The following CCDC88A variants were observed in gnomAD, a reference collection of about 807,000 sequenced individuals.
CCDC88A encodes coiled-coil and HOOK domain protein 88A, also known as girdin.
Under a neutral mutation model 234.3 loss-of-function variants are expected in CCDC88A, and 54 were observed. That is an observed-to-expected ratio of 0.23 (90% confidence interval 0.19 to 0.29). The LOEUF is 0.29. Among genes scored for constraint, CCDC88A ranks in the 10% least tolerant of loss-of-function variants. The probability of loss-of-function intolerance (pLI) is 1.00; values close to 1 mark genes in which losing one functional copy is unlikely to be tolerated. For synonymous variants in CCDC88A, 753 were observed against 737.8 expected (o/e 1.02, Z -0.33); for missense variants, 1,832 against 2,123.4 (o/e 0.86, Z 2.70).
chr2:55,344,577 GATT>G, intron 10 of CCDC88A, 63 bp from the exon 11 acceptor site: 10 of 955,526 alleles, frequency 1.0e-5, no homozygotes, highest in Non-Finnish European at 1.5e-5. Flanking sequence ...GGAACATACA[GATT>G]ATCATAAAAC....
chr2:55,355,909 T>G (rs1229033701), intron 7 of CCDC88A, 158 bp from the exon 8 acceptor site: 1 of 555,588 alleles, frequency 1.8e-6, no homozygotes, highest in Non-Finnish European at 3.1e-6. Flanking sequence ...TTCTTAACTT[T>G]CATTCAACAG....
chr2:55,419,099 A>T lies in CCDC88A; in HGVS notation c.-20T>A. Reference sequence around the variant, plus strand: ...CTCCATTTTACAGAGTATGTATTTGAAAAAAGGAACTACCACAAAAATACG... The same window carrying T: ...CTCCATTTTACAGAGTATGTATTTGTAAAAAGGAACTACCACAAAAATACG... On this transcript the variant is annotated 5_prime_UTR_variant, in exon 1 of 33. Coordinates refer to ENST00000436346, the MANE Select transcript of CCDC88A (RefSeq NM_001365480.1). 6.5e-7 allele frequency: 1 copy of T among 1,529,950 alleles called. No homozygotes were observed. The highest frequency in any genetic ancestry group is 1.7e-4 in the Middle Eastern group (1 of 5,924). The allele number at this position is 1,529,950 out of a possible 1,614,324, so 94.8% of individuals were successfully genotyped here.
chr2:55,376,402 C>G (rs1351240733), intron 3 of CCDC88A, among the ~76,000 whole-genome samples: 1 of 152,006 alleles, frequency 6.6e-6, no homozygotes, highest in Non-Finnish European at 1.5e-5. Context: ...AAGCAAATAA[C>G]CATGAAAAAT....
At chr2:55,403,821 A>C (rs531356909) in intron 2 of CCDC88A, 1 of 152,332 alleles carries the variant, frequency 6.6e-6, no homozygotes, top group Non-Finnish European at 1.5e-5. Context: ...AAACAAAAGA[A>C]GATTGTTTAA....
intron 2 of CCDC88A, among the ~76,000 whole-genome samples, chr2:55,396,591 C>T (rs1482623231): frequency 6.6e-6 from 1 of 152,086 alleles, no homozygotes; most frequent in Non-Finnish European, 1.5e-5. Context: ...AAGGTTGCAC[C>T]TGGGTGCGGT....
At chr2:55,304,234 G>A (rs554337071) in intron 25 of CCDC88A, among the ~76,000 whole-genome samples, 1 of 152,130 alleles carries the variant, frequency 6.6e-6, no homozygotes, top group Non-Finnish European at 1.5e-5. Flanking sequence ...GGAGTTCAAG[G>A]CTATAGTGAG....
intron 3 of CCDC88A, among the ~76,000 whole-genome samples, chr2:55,382,072 G>T (rs2104859296): frequency 6.6e-6 from 1 of 152,102 alleles, no homozygotes; most frequent in Admixed American, 6.6e-5. Flanking sequence ...GGCATTAAAA[G>T]GAAAGAATAC....
intron 31 of CCDC88A, 130 bp downstream of exon 31, chr2:55,295,467 C>G (rs1409883399): frequency 6.4e-7 from 1 of 1,573,894 alleles, no homozygotes; most frequent in South Asian, 1.2e-5. Flanking sequence ...CCTTCCTGTT[C>G]TTGAGTTTCT....
intron 29 of CCDC88A, 45 bp from the exon 30 acceptor site, chr2:55,296,568 G>C: frequency 1.3e-6 from 2 of 1,553,866 alleles, no homozygotes; most frequent in Non-Finnish European, 1.8e-6. Context: ...ATAGAATTGA[G>C]ATTAATACTT....
At chr2:55,401,470 A>G (rs77367016) in intron 2 of CCDC88A, among the ~76,000 whole-genome samples, 18,991 of 31,348 alleles carry the variant, frequency 0.61, 7,297 homozygotes, top group Non-Finnish European at 0.74. Context: ...ATATATACAT[A>G]TGTGTGTGTA....
intron 3 of CCDC88A, 122 bp from the exon 4 acceptor site, chr2:55,375,005 T>C (rs559478836): frequency 8.8e-6 from 5 of 570,192 alleles, no homozygotes; most frequent in African/African-American, 1.8e-5. Flanking sequence ...TAAACAAATA[T>C]GGAAAAAGTT....
intron 22 of CCDC88A, chr2:55,312,787 A>T: frequency 2.7e-6 from 1 of 374,150 alleles, no homozygotes; most frequent in Non-Finnish European, 4.8e-6. Flanking sequence ...ATATTTTCTT[A>T]ATTTTCACAA....
chr2:55,372,839 G>A (rs1673041374), intron 4 of CCDC88A, among the ~76,000 whole-genome samples: 1 of 152,178 alleles, frequency 6.6e-6, no homozygotes. Context: ...GCCAAATCAG[G>A]TTGATACAGG....
Position 55,291,189 on chromosome 2 carries a change from G to A in CCDC88A, c.*36-25C>T, listed in dbSNP as rs372034540. On this transcript the variant is annotated intron_variant, in intron 32 of 32. Coordinates refer to ENST00000436346, the MANE Select transcript of CCDC88A (RefSeq NM_001365480.1). Reference sequence around the variant, plus strand: ...TCTGTATTTAGTTGGAAGGTAGAAAGAAGAAAGAAAATATAAGAAAAGCTT... The same window carrying A: ...TCTGTATTTAGTTGGAAGGTAGAAAAAAGAAAGAAAATATAAGAAAAGCTT... The A allele has an allele frequency of 2.6e-5, 4 of 152,634 alleles. No homozygotes were observed. The East Asian group carries it at 5.8e-4, about 22-fold the overall frequency. The allele number at this position is 152,634 out of a possible 1,614,324, so 9.5% of individuals were successfully genotyped here. A position where few individuals can be genotyped will look rare whatever the true frequency, so the allele number is the denominator to read the frequency against.
intron 22 of CCDC88A, 150 bp downstream of exon 22, chr2:55,315,778 C>CA: frequency 2.3e-6 from 1 of 427,622 alleles, no homozygotes; most frequent in Non-Finnish European, 4.2e-6. Flanking sequence ...TTCTGAATTA[C>CA]ATGTAAGTTT....
At chr2:55,319,206 T>C (rs995103488) in intron 18 of CCDC88A, among the ~76,000 whole-genome samples, 1 of 152,134 alleles carries the variant, frequency 6.6e-6, no homozygotes, top group Admixed American at 6.6e-5. Context: ...AAGAAGGCAA[T>C]GATATTAAAA....
intron 11 of CCDC88A, 45 bp downstream of exon 11, chr2:55,344,323 G>A (rs1426966124): frequency 1.4e-6 from 2 of 1,403,202 alleles, no homozygotes; most frequent in South Asian, 3.2e-5. Flanking sequence ...AATCTTAGAA[G>A]TTTTCCTTAA....
At position 55,344,488 on chromosome 2, in the gene CCDC88A, T is replaced by G; in HGVS notation, c.1068A>C (p.Leu356Phe). 1.3e-6 allele frequency: 2 copies of G among 1,561,810 alleles called. No homozygotes were observed. The highest frequency in any genetic ancestry group is 1.7e-6 in the Non-Finnish European group (2 of 1,145,924). ...VEELKEDNQV[L>F]LETKTMLEDQ... ...CTTCCAACATGGTTTTTGTTTCTAA[T>G]AAAACTTGATTGTCTTCTTTTAATT... is the stretch of plus-strand genomic sequence containing the variant. The change falls in exon 11 of 33, where the codon TTA becomes TTC. Residue 356 changes from leucine (L) to phenylalanine (F), a missense_variant. Physicochemically the swap from Leu to Phe is conservative, Grantham distance 22. This residue lies in a region of CCDC88A where 1,282 missense variants were observed against 1,543.6 expected (regional missense o/e 0.83). Transcript: ENST00000436346.
chr2:55,322,119 G>C (rs1683715092), intron 18 of CCDC88A, among the ~76,000 whole-genome samples: 1 of 152,094 alleles, frequency 6.6e-6, no homozygotes, highest in Non-Finnish European at 1.5e-5. Flanking sequence ...AGATAGTAAA[G>C]GCACGGTGGT....
Sources: allele counts gnomAD v4.1 joint callset (sites outside exome capture counted in the v4.1 genomes callset), GRCh38; gene constraint gnomAD v4.1.1; regional missense constraint gnomAD v4.1.1; transcripts MANE v1.5; gene names NCBI Gene and HGNC (gene_info 2026-07-23, HGNC 2026-07-21).